The following LIPH variants were observed in gnomAD, a reference collection of about 807,000 sequenced individuals.
LIPH encodes the protein lipase member H.
A neutral mutation model predicts 47.6 loss-of-function variants in LIPH; 32 were observed. The observed-to-expected ratio is 0.67, with a 90% CI of 0.51 to 0.90. The LOEUF (loss-of-function observed/expected upper bound fraction) is 0.90, where lower values mean the gene tolerates loss of function less well. Among genes scored for constraint, LIPH ranks in the 40% least tolerant of loss-of-function variants. LIPH has a pLI of 0.00. For synonymous variants in LIPH, 190 were observed against 195.6 expected, an observed-to-expected ratio of 0.97 and a Z score of 0.24; for missense variants, 497 against 541.4, an observed-to-expected ratio of 0.92 and a Z score of 0.81.
rs374255615 is a variant in LIPH at position 185,515,325 on chromosome 3, A to G, written c.983-804T>C. Reference sequence around the variant, plus strand: ...GTTTTTTTAAAAAAAAAAAAGATAAAATTAAAACACGCTACAACAGGAACT... The same window carrying G: ...GTTTTTTTAAAAAAAAAAAAGATAAGATTAAAACACGCTACAACAGGAACT... On this transcript the variant is annotated intron_variant, in intron 7 of 9. Coordinates refer to ENST00000296252, the MANE Select transcript of LIPH (RefSeq NM_139248.3). Among the ~76,000 whole-genome samples the G allele has an allele frequency of 3.9e-5, 6 of 152,278 alleles. No homozygotes were observed. The East Asian group carries it at 1.2e-3, about 29-fold the overall frequency.
chr3:185,509,015 C>T (rs557268118), intron 9 of LIPH, 138 bp from the exon 10 acceptor site: 30 of 670,542 alleles, frequency 4.5e-5, no homozygotes, highest in Middle Eastern at 7.5e-4. Context: ...TGGCCAGGCA[C>T]GGTGACTCAT....
chr3:185,525,114 T>C (rs1409395411), intron 4 of LIPH, among the ~76,000 whole-genome samples: 2 of 151,620 alleles, frequency 1.3e-5, no homozygotes, highest in African/African-American at 4.8e-5. Context: ...ACTCAAGGGG[T>C]TGAGGTGGGA....
chr3:185,544,805 C>G (rs1720819722), intron 1 of LIPH, among the ~76,000 whole-genome samples: 1 of 152,148 alleles, frequency 6.6e-6, no homozygotes, highest in South Asian at 2.1e-4. Context: ...AAGAACAGGG[C>G]CTGGTTCAGA....
chr3:185,549,353 C>T (rs889332666), intron 1 of LIPH, among the ~76,000 whole-genome samples: 5 of 152,118 alleles, frequency 3.3e-5, no homozygotes, highest in Admixed American at 3.3e-4. Flanking sequence ...CCCTCATTCA[C>T]CTTTGCCAAC....
In LIPH at chr3:185,507,804, TTG is replaced by T. The variant is rs1719425657; in HGVS notation, c.*984_*985del. The T allele has an allele frequency of 6.6e-6, 1 of 152,214 alleles. No individual in the cohort carries two copies. The highest frequency in any genetic ancestry group is 2.4e-5 in the African/African-American group (1 of 41,456). 9.4% of individuals were successfully genotyped at this position (152,214 alleles called of 1,614,324 possible). On this transcript the variant is annotated 3_prime_UTR_variant, in exon 10 of 10. Transcript: ENST00000296252. ...TCGTGGACAGTATTTTTTTTTAATT[TTG>T]TATCTACGCATTTTCTAAATTTCCT...
rs986220867 is a variant in LIPH at position 185,506,457 on chromosome 3, G to T, written c.*2333C>A. 1.3e-5 allele frequency: 2 copies of T among 152,132 alleles called. No homozygotes were observed. The highest frequency in any genetic ancestry group is 2.9e-5 in the Non-Finnish European group (2 of 68,042). 9.4% of individuals were successfully genotyped at this position (152,132 alleles called of 1,614,324 possible). A position where few individuals can be genotyped will look rare whatever the true frequency, so the allele number is the denominator to read the frequency against. On this transcript the variant is annotated 3_prime_UTR_variant, in exon 10 of 10. Coordinates refer to ENST00000296252, the MANE Select transcript of LIPH (RefSeq NM_139248.3). ...CAAAGTAGTAGAAATTCTATTTCTG[G>T]CATTTTCTTGCTATTGTTTTGACTC...
chr3:185,529,405 C>CCTTTTT (rs1037171927), intron 3 of LIPH, among the ~76,000 whole-genome samples: 3 of 141,714 alleles, frequency 2.1e-5, no homozygotes, highest in East Asian at 2.1e-4. Context: ...TAAGTTCTAG[C>CCTTTTT]CTTTTTCTTT....
chr3:185,523,685 G>A (rs1719975838), intron 5 of LIPH, among the ~76,000 whole-genome samples: 1 of 151,884 alleles, frequency 6.6e-6, no homozygotes, highest in South Asian at 2.1e-4. Flanking sequence ...GGGATTACAG[G>A]TATGCACCAC....
At chr3:185,535,255 G>A (rs1036428610) in intron 1 of LIPH, 123 bp from the exon 2 acceptor site, 2 of 1,174,982 alleles carry the variant, frequency 1.7e-6, no homozygotes, top group Non-Finnish European at 2.5e-6. Context: ...CTAAGGGCTG[G>A]ATCCAGTTGA....
chr3:185,527,493 C>T lies in LIPH; in HGVS notation c.619G>A (p.Asp207Asn). 6.2e-7 allele frequency: 1 copy of T among 1,610,380 alleles called. No homozygotes were observed. Among genetic ancestry groups the T allele is most frequent in the South Asian group, 1.1e-5 (1 of 90,800 alleles). Residue 207 changes from aspartate to asparagine, a missense_variant, in exon 4 of 10, where the codon GAC (aspartate) becomes AAC (asparagine). Physicochemically the swap from Asp to Asn is conservative, Grantham distance 23. Coordinates refer to ENST00000296252, the MANE Select transcript of LIPH (RefSeq NM_139248.3). ...AGGAAAGGAGCGTTACCATCAGTGT[C>T]GGAATGGATGACATCAACAAACTGC... ...DAQFVDVIHSDTDALGYKEPL... is the reference protein window; with the variant it reads ...DAQFVDVIHSNTDALGYKEPL...
rs774348025 is a variant in LIPH at position 185,508,444 on chromosome 3, C to G, written c.*346G>C. ...GGTGAGGCCTCCAGTCCGTCCTTCC[C>G]TTGAAGATGCTTGACCCGCAGCCGC... On this transcript the variant is annotated 3_prime_UTR_variant, in exon 10 of 10. Coordinates refer to ENST00000296252, the MANE Select transcript of LIPH (RefSeq NM_139248.3). The G allele has an allele frequency of 3.8e-5, 12 of 319,410 alleles. No individual in the cohort carries two copies. Among genetic ancestry groups the G allele is most frequent in the Non-Finnish European group, 7.3e-5 (12 of 165,214 alleles). The allele number at this position is 319,410 out of a possible 1,614,324, so 19.8% of individuals were successfully genotyped here.
intron 2 of LIPH, among the ~76,000 whole-genome samples, chr3:185,534,181 C>A (rs1720428801): frequency 6.6e-6 from 1 of 152,122 alleles, no homozygotes. Flanking sequence ...CATGGTGAAA[C>A]CCCGTCTCTA....
At chr3:185,509,237 ATC>A (rs1719478192) in intron 9 of LIPH, among the ~76,000 whole-genome samples, 1 of 151,984 alleles carries the variant, frequency 6.6e-6, no homozygotes, top group Admixed American at 6.6e-5. Context: ...GTGAGCTGAG[ATC>A]ACGCCATTGC....
At chr3:185,529,922 G>GA (rs1245057417) in intron 3 of LIPH, among the ~76,000 whole-genome samples, 7 of 41,968 alleles carry the variant, frequency 1.7e-4, no homozygotes, top group East Asian at 1.3e-3. Context: ...AAGAAAGAAA[G>GA]AAAGAAAGAA....
At chr3:185,546,375 C>A (rs1372652363) in intron 1 of LIPH, among the ~76,000 whole-genome samples, 1 of 139,734 alleles carries the variant, frequency 7.2e-6, no homozygotes, top group Non-Finnish European at 1.6e-5. Flanking sequence ...AAAAAAAATT[C>A]TAAAGCTGGG....
rs138900382 is a variant in LIPH at position 185,527,573 on chromosome 3, G to C, written c.539C>G (p.Ala180Gly). ...AGGTTTCCCGTTGAATAAAGGGCCT[G>C]CAGGGTCGAGGCCTGGAAGGAAAAC... Reference protein sequence around the residue: ...WLGRITGLDPAGPLFNGKPHQ... With the variant: ...WLGRITGLDPGGPLFNGKPHQ... The change falls in exon 4 of 10, where the codon GCA becomes GGA. Residue 180 changes from alanine (A) to glycine (G), a missense_variant. Ala to Gly is a moderately conservative substitution (Grantham distance 60). Transcript: ENST00000296252. 228 of 1,610,168 alleles carry C rather than the reference G, an allele frequency of 1.4e-4. No individual in the cohort carries two copies. Among genetic ancestry groups the C allele is most frequent in the Middle Eastern group, 1.3e-3 (8 of 6,058 alleles).
At position 185,552,284 on chromosome 3, in the gene LIPH, G is replaced by A. The variant is rs560432518; in HGVS notation, c.49+139C>T. On this transcript the variant is annotated intron_variant, in intron 1 of 9. Coordinates refer to ENST00000296252, the MANE Select transcript of LIPH (RefSeq NM_139248.3). The stretch of plus-strand genomic sequence containing the variant: ...AGGAAATGTTAAGGAAATGATACAG[G>A]CTTCCTATATCTTTTTCCTTAAAAA... The A allele has an allele frequency of 1.3e-4, 75 of 574,286 alleles. No individual in the cohort carries two copies. In the African/African-American group the frequency reaches 1.3e-3, roughly 10 times the overall value. 35.6% of individuals were successfully genotyped at this position (574,286 alleles called of 1,614,324 possible).
At chr3:185,533,001 A>G (rs1720379652) in intron 3 of LIPH, among the ~76,000 whole-genome samples, 1 of 152,148 alleles carries the variant, frequency 6.6e-6, no homozygotes, top group African/African-American at 2.4e-5. Flanking sequence ...AGAGGCTTTG[A>G]GACTCTGAAA....
At chr3:185,519,836 CAAAAAAAAAAAAAAAAA>C (rs145391972) in intron 5 of LIPH, among the ~76,000 whole-genome samples, 6 of 53,788 alleles carry the variant, frequency 1.1e-4, no homozygotes, top group Non-Finnish European at 1.2e-4. Context: ...CACTCCATCT[CAAAAAAAAAAAAAAAAA>C]AAAAAAAAAA....
Sources: gnomAD v4.1 joint callset for allele counts (sites outside exome capture counted in the v4.1 genomes callset) on GRCh38, gnomAD v4.1.1 for gene constraint, MANE v1.5 for transcripts, NCBI Gene and HGNC (gene_info 2026-07-23, HGNC 2026-07-21) for gene names.